Variants in COP1 observed in about 807,000 individuals in gnomAD.
COP1 encodes the protein COP1 E3 ubiquitin ligase, also known as E3 ubiquitin-protein ligase COP1.
Under a neutral mutation model 101.3 loss-of-function variants are expected in COP1, and 24 were observed. That is an observed-to-expected ratio of 0.24 (90% CI 0.17 to 0.33). The LOEUF (loss-of-function observed/expected upper bound fraction) is 0.33, where lower values mean the gene tolerates loss of function less well. Ranked by LOEUF, COP1 falls within the 10% of genes least tolerant of loss-of-function variation. The probability of loss-of-function intolerance (pLI) is 1.00; values close to 1 mark genes in which losing one functional copy is unlikely to be tolerated. For missense variants in COP1, 663 were observed against 906.2 expected (o/e 0.73, Z 3.45); for synonymous variants, 347 against 341.9 (o/e 1.01, Z -0.17).
At chr1:176,031,572 C>A (rs2149096334) in intron 14 of COP1, among the ~76,000 whole-genome samples, 1 of 152,116 alleles carries the variant, frequency 6.6e-6, no homozygotes, top group South Asian at 2.1e-4. Context: ...GCAATTAAAT[C>A]AAATAAAATA....
At chr1:176,186,287 AT>A (rs1169854083) in intron 1 of COP1, among the ~76,000 whole-genome samples, 3 of 151,716 alleles carry the variant, frequency 2.0e-5, no homozygotes, top group Admixed American at 2.0e-4. Flanking sequence ...CTCTATGCAA[AT>A]TTTTTAAAAA....
intron 18 of COP1, among the ~76,000 whole-genome samples, chr1:175,986,191 T>C (rs1416871989): frequency 1.3e-5 from 2 of 152,100 alleles, no homozygotes; most frequent in Admixed American, 6.5e-5. Context: ...GGCTAATTTT[T>C]TGTATTTTTA....
Position 175,978,567 on chromosome 1 carries a change from A to G in COP1, c.2133+8376T>C, listed in dbSNP as rs562113835. On this transcript the variant is annotated intron_variant, in intron 18 of 19. Coordinates refer to ENST00000367669, the MANE Select transcript of COP1 (RefSeq NM_022457.7). ...TTCCCCACCCCACTCTATTCTGGATACTGAGGGAAGAGTGAGGCACTGAGG... is the reference window on the plus strand; with the variant it reads ...TTCCCCACCCCACTCTATTCTGGATGCTGAGGGAAGAGTGAGGCACTGAGG... 3.9e-5 allele frequency among the ~76,000 whole-genome samples: 6 copies of G among 152,232 alleles called. No individual in the cohort carries two copies. The East Asian group carries it at 1.2e-3, about 29-fold the overall frequency.
intron 2 of COP1, among the ~76,000 whole-genome samples, chr1:176,176,817 GA>G (rs11329927): frequency 0.75 from 114,490 of 151,800 alleles, 44,997 homozygotes; most frequent in East Asian, 0.92. Flanking sequence ...GAAAAAAAGA[GA>G]AAAAAAAGAC....
chr1:176,004,179 T>A (rs1662506381), intron 15 of COP1, among the ~76,000 whole-genome samples: 1 of 150,978 alleles, frequency 6.6e-6, no homozygotes, highest in African/African-American at 2.4e-5. Context: ...TAAGAATGCT[T>A]GTGATTTTTG....
Position 176,036,292 on chromosome 1 carries a change from T to C in COP1, c.1612+6894A>G, listed in dbSNP as rs938337027. 7.9e-5 allele frequency among the ~76,000 whole-genome samples: 12 copies of C among 151,152 alleles called. No homozygotes were observed. The East Asian group carries it at 1.9e-3, about 25-fold the overall frequency. On this transcript the variant is annotated intron_variant, in intron 14 of 19. Coordinates refer to ENST00000367669, the MANE Select transcript of COP1 (RefSeq NM_022457.7). Reference sequence around the variant, plus strand: ...ATTAAACCCAAAGCAAGAAGAAAAATGGGCAGAAATCTATGAAATTAAAAA... The same window carrying C: ...ATTAAACCCAAAGCAAGAAGAAAAACGGGCAGAAATCTATGAAATTAAAAA...
intron 9 of COP1, among the ~76,000 whole-genome samples, chr1:176,091,438 AAG>A (rs1378388471): frequency 6.6e-6 from 1 of 152,178 alleles, no homozygotes; most frequent in Non-Finnish European, 1.5e-5. Flanking sequence ...AAAATAAAAA[AAG>A]AGAGCAAGGA....
chr1:176,094,735 A>G (rs6678812), intron 9 of COP1, among the ~76,000 whole-genome samples: 60,026 of 151,650 alleles, frequency 0.4, 12,091 homozygotes, highest in Middle Eastern at 0.45. Flanking sequence ...ATGAAGATAA[A>G]AGAGCAAATT....
At chr1:176,130,072 C>T (rs1359396734) in intron 8 of COP1, among the ~76,000 whole-genome samples, 1 of 151,556 alleles carries the variant, frequency 6.6e-6, no homozygotes, top group African/African-American at 2.4e-5. Context: ...ATATAACGTC[C>T]ACCCAGTTTA....
intron 1 of COP1, among the ~76,000 whole-genome samples, chr1:176,193,273 C>T (rs944519396): frequency 2.0e-5 from 3 of 152,082 alleles, no homozygotes; most frequent in Admixed American, 6.6e-5. Flanking sequence ...AGGAAAACAA[C>T]GTGTTGACAA....
chr1:176,097,774 C>T (rs1047138472), intron 9 of COP1, among the ~76,000 whole-genome samples: 6 of 146,210 alleles, frequency 4.1e-5, no homozygotes, highest in Admixed American at 1.4e-4. Flanking sequence ...GAGGCTGAGG[C>T]GGGACAATCG....
chr1:176,196,411 GA>G (rs1699702636), intron 1 of COP1, among the ~76,000 whole-genome samples: 1 of 151,986 alleles, frequency 6.6e-6, no homozygotes, highest in African/African-American at 2.4e-5. Flanking sequence ...TCAATATCAG[GA>G]ATGAAAGATG....
chr1:176,139,895 G>A (rs1481528882), intron 6 of COP1, among the ~76,000 whole-genome samples: 1 of 152,032 alleles, frequency 6.6e-6, no homozygotes, highest in East Asian at 1.9e-4. Context: ...CCAAATTTTA[G>A]CATCACACCA....
intron 9 of COP1, among the ~76,000 whole-genome samples, chr1:176,093,621 C>T (rs966915222): frequency 3.0e-4 from 45 of 152,010 alleles, no homozygotes; most frequent in Admixed American, 2.2e-3. Flanking sequence ...GGGCAGATCA[C>T]GAGGTCAGGA....
chr1:175,991,015 C>A (rs1411489046), intron 15 of COP1, among the ~76,000 whole-genome samples: 1 of 151,830 alleles, frequency 6.6e-6, no homozygotes, highest in Non-Finnish European at 1.5e-5. Context: ...ATCAAAAAAT[C>A]CCAAATCCTT....
intron 18 of COP1, among the ~76,000 whole-genome samples, chr1:175,974,281 T>C (rs1465761431): frequency 1.3e-5 from 2 of 152,228 alleles, no homozygotes; most frequent in Non-Finnish European, 2.9e-5. Context: ...ACTGGTTAGA[T>C]ACATACATAC....
intron 3 of COP1, among the ~76,000 whole-genome samples, chr1:176,170,998 GCCTGTAATCCC>G (rs1161201110): frequency 2.0e-5 from 3 of 151,574 alleles, no homozygotes; most frequent in African/African-American, 7.3e-5. Flanking sequence ...GGTGGTGGGC[GCCTGTAATCCC>G]AGCTACTCAG....
rs1202916889 is a variant in COP1, at chr1:176,164,719, T to A, written c.566-828A>T. On this transcript the variant is annotated intron_variant, in intron 3 of 19. Coordinates refer to ENST00000367669, the MANE Select transcript of COP1 (RefSeq NM_022457.7). The stretch of plus-strand genomic sequence containing the variant: ...CCTGACAATACCACTGAACCACTGA[T>A]AACTAGTTCTAGAAATTCTTTTCCC... Among the ~76,000 whole-genome samples, 4 of 152,310 alleles carry A rather than the reference T, an allele frequency of 2.6e-5. No individual in the cohort carries two copies. In the East Asian group the frequency reaches 5.8e-4, roughly 22 times the overall value.
chr1:176,051,399 C>T (rs763891068), intron 11 of COP1, among the ~76,000 whole-genome samples: 4 of 152,148 alleles, frequency 2.6e-5, no homozygotes, highest in African/African-American at 7.2e-5. Flanking sequence ...TGCAACAACA[C>T]GATTCTCAGG....
Sources: gnomAD v4.1 joint callset for allele counts (sites outside exome capture counted in the v4.1 genomes callset) on GRCh38, gnomAD v4.1.1 for gene constraint, MANE v1.5 for transcripts, NCBI Gene and HGNC (gene_info 2026-07-23, HGNC 2026-07-21) for gene names.